The following STARD13 variants were observed in gnomAD, a reference collection of about 807,000 sequenced individuals.
STARD13 encodes the protein stAR-related lipid transfer protein 13.
STARD13 carries 62 observed loss-of-function variants against 106.4 expected under a neutral mutation model. The observed-to-expected ratio is 0.58, with a 90% CI of 0.48 to 0.72. The LOEUF (loss-of-function observed/expected upper bound fraction) is 0.72. Ranked by LOEUF, STARD13 falls within the 30% of genes least tolerant of loss-of-function variation. The pLI is 0.00. For synonymous variants in STARD13, 565 were observed against 553.0 expected (o/e 1.02, Z -0.31); for missense variants, 1,387 against 1,424.0 (o/e 0.97, Z 0.42).
the STARD13 span, among the ~76,000 whole-genome samples, chr13:33,425,372 A>C: frequency 6.6e-6 from 1 of 152,144 alleles, no homozygotes; most frequent in Non-Finnish European, 1.5e-5. Flanking sequence ...GCTCAACCCC[A>C]TCCCAGGAGG....
intron 1 of STARD13, among the ~76,000 whole-genome samples, chr13:33,223,551 C>T (rs920418089): frequency 3.6e-4 from 55 of 151,970 alleles, no homozygotes; most frequent in African/African-American, 1.2e-3. Flanking sequence ...CCCAGCTACT[C>T]GGGAGGCTGA....
chr13:33,607,064 G>A, the STARD13 span, among the ~76,000 whole-genome samples: 1 of 151,560 alleles, frequency 6.6e-6, no homozygotes, highest in East Asian at 1.9e-4. Flanking sequence ...ACAGTTCCCA[G>A]GGATTACAAA....
chr13:33,324,010 T>A (rs991532396), intron 1 of STARD13, among the ~76,000 whole-genome samples: 8 of 152,194 alleles, frequency 5.3e-5, no homozygotes, highest in African/African-American at 7.2e-5. Flanking sequence ...AATGCAATAT[T>A]CTGCAACAGC....
intron 7 of STARD13, among the ~76,000 whole-genome samples, chr13:33,124,290 G>T (rs1876811712): frequency 6.6e-6 from 1 of 152,206 alleles, no homozygotes; most frequent in South Asian, 2.1e-4. Flanking sequence ...TGGAAGCCCT[G>T]CCAGGACTGG....
At chr13:33,499,528 C>CTTTCTTTCT in the STARD13 span, among the ~76,000 whole-genome samples, 1 of 44,086 alleles carries the variant, frequency 2.3e-5, no homozygotes, top group Non-Finnish European at 4.5e-5. Context: ...CTTTCTTCTT[C>CTTTCTTTCT]TTCTTCTTCT....
chr13:33,492,404 T>C, the STARD13 span, among the ~76,000 whole-genome samples: 3 of 152,084 alleles, frequency 2.0e-5, no homozygotes, highest in South Asian at 4.1e-4. Context: ...CTGGATAAAA[T>C]GAGGTTGAAA....
intron 7 of STARD13, among the ~76,000 whole-genome samples, chr13:33,123,801 C>T (rs1174469138): frequency 6.6e-6 from 1 of 152,168 alleles, no homozygotes; most frequent in South Asian, 2.1e-4. Context: ...TGCTTATATG[C>T]GAGGCGAGTG....
chr13:33,506,028 T>C, the STARD13 span, among the ~76,000 whole-genome samples: 1 of 152,136 alleles, frequency 6.6e-6, no homozygotes, highest in African/African-American at 2.4e-5. Context: ...GTCAAAGCAG[T>C]GTCCCCCAAC....
the STARD13 span, among the ~76,000 whole-genome samples, chr13:33,408,041 G>A: frequency 1.3e-5 from 2 of 152,176 alleles, no homozygotes; most frequent in Non-Finnish European, 1.5e-5. Flanking sequence ...CTCTTTCTCT[G>A]TGGTACACCC....
At chr13:33,372,168 A>T in the STARD13 span, among the ~76,000 whole-genome samples, 3 of 152,214 alleles carry the variant, frequency 2.0e-5, no homozygotes, top group Non-Finnish European at 2.9e-5. Context: ...TAACCTCCAT[A>T]TATCTGAAAG....
chr13:33,424,649 G>A, the STARD13 span, among the ~76,000 whole-genome samples: 1 of 152,100 alleles, frequency 6.6e-6, no homozygotes, highest in African/African-American at 2.4e-5. Flanking sequence ...AGCGTCCGGG[G>A]GCAGTGAGTG....
chr13:33,374,963 G>A, the STARD13 span, among the ~76,000 whole-genome samples: 1 of 152,098 alleles, frequency 6.6e-6, no homozygotes, highest in African/African-American at 2.4e-5. Context: ...TCCACTCTTA[G>A]TACTCATGTC....
chr13:33,177,149 A>G (rs1030693777), intron 1 of STARD13, among the ~76,000 whole-genome samples: 2 of 152,236 alleles, frequency 1.3e-5, no homozygotes, highest in African/African-American at 4.8e-5. Context: ...GAATATGACA[A>G]CTTTTACTAA....
chr13:33,575,464 G>C, the STARD13 span, among the ~76,000 whole-genome samples: 1 of 152,136 alleles, frequency 6.6e-6, no homozygotes, highest in Admixed American at 6.5e-5. Context: ...GGATATGGTT[G>C]TTTTCACCAA....
At chr13:33,603,140 T>C in the STARD13 span, among the ~76,000 whole-genome samples, 2,430 of 152,272 alleles carry the variant, frequency 0.016, 51 homozygotes, top group East Asian at 0.05. Context: ...GACAATAAGA[T>C]ACTGGACCCA....
the STARD13 span, among the ~76,000 whole-genome samples, chr13:33,369,335 T>G: frequency 5.3e-5 from 8 of 152,324 alleles, no homozygotes; most frequent in East Asian, 1.5e-3. Flanking sequence ...CAAATTAAAT[T>G]TGGCCTTTTG....
At chr13:33,425,530 T>G in the STARD13 span, among the ~76,000 whole-genome samples, 1 of 152,210 alleles carries the variant, frequency 6.6e-6, no homozygotes, top group East Asian at 1.9e-4. Context: ...TTTTGTTTAT[T>G]GTAATGATTG....
the STARD13 span, among the ~76,000 whole-genome samples, chr13:33,650,401 G>A: frequency 1.1e-4 from 17 of 150,718 alleles, no homozygotes; most frequent in East Asian, 9.8e-4. Flanking sequence ...CGTTTTAGCC[G>A]GGATGGTCTC....
chr13:33,544,329 T>A, the STARD13 span, among the ~76,000 whole-genome samples: 2 of 152,178 alleles, frequency 1.3e-5, no homozygotes, highest in Non-Finnish European at 2.9e-5. Flanking sequence ...TCTCAGAACT[T>A]GTCTCATCTT....
Sources: gnomAD v4.1 joint callset for allele counts (sites outside exome capture counted in the v4.1 genomes callset) on GRCh38, gnomAD v4.1.1 for gene constraint, MANE v1.5 for transcripts, NCBI Gene and HGNC (gene_info 2026-07-23, HGNC 2026-07-21) for gene names.